Variants in XDH observed in about 807,000 individuals in gnomAD.
XDH encodes the protein xanthine dehydrogenase/oxidase.
XDH carries 138 observed loss-of-function variants against 156.1 expected under a neutral mutation model. The observed-to-expected ratio is 0.88, with a 90% CI of 0.77 to 1.02. The LOEUF (loss-of-function observed/expected upper bound fraction) is 1.02, where lower values mean the gene tolerates loss of function less well. XDH is among the 50% of genes least tolerant of loss of function. XDH has a pLI of 0.00. For missense variants in XDH, 1,849 were observed against 1,684.9 expected (o/e 1.10, Z -1.71); for synonymous variants, 669 against 625.7 (o/e 1.07, Z -1.03).
chr2:31,375,283 G>A lies in XDH; in HGVS notation c.1602+97C>T, dbSNP rs192835939. The A allele has an allele frequency of 1.7e-5, 26 of 1,488,270 alleles. 1 individual carries two copies. The South Asian group carries it at 2.3e-4, about 13-fold the overall frequency. 92.2% of individuals were successfully genotyped at this position (1,488,270 alleles called of 1,614,324 possible). A position where few individuals can be genotyped will look rare whatever the true frequency, so the allele number is the denominator to read the frequency against. ...CCTGGTCCCTGCTATTCTGCCCTCA[G>A]ATGTCCAGAGGAGAGGAGCAAATTT... is the stretch of plus-strand genomic sequence containing the variant. On this transcript the variant is annotated intron_variant, in intron 15 of 35. Coordinates refer to ENST00000379416, the MANE Select transcript of XDH (RefSeq NM_000379.4).
chr2:31,344,172 A>G (rs532045408), intron 31 of XDH, among the ~76,000 whole-genome samples: 21 of 152,290 alleles, frequency 1.4e-4, no homozygotes, highest in African/African-American at 5.1e-4. Context: ...ATCTCCCTGT[A>G]TTAATAAGTT....
At chr2:31,341,771 TG>T (rs1275685409) in intron 32 of XDH, among the ~76,000 whole-genome samples, 1 of 152,222 alleles carries the variant, frequency 6.6e-6, no homozygotes, top group African/African-American at 2.4e-5. Context: ...AAATCCAACT[TG>T]CCCCTGTTTT....
intron 4 of XDH, 93 bp downstream of exon 4, chr2:31,401,127 A>G: frequency 7.0e-7 from 1 of 1,434,134 alleles, no homozygotes; most frequent in Non-Finnish European, 9.7e-7. Flanking sequence ...AACTCTTCCC[A>G]ACAACCCAAA....
chr2:31,400,140 G>A (rs554527702), intron 4 of XDH, among the ~76,000 whole-genome samples: 6 of 151,954 alleles, frequency 3.9e-5, no homozygotes, highest in South Asian at 4.2e-4. Flanking sequence ...AATAGTACCA[G>A]CCTCTCCGCA....
chr2:31,379,725 G>T, intron 13 of XDH, 142 bp downstream of exon 13: 1 of 867,402 alleles, frequency 1.2e-6, no homozygotes, highest in Non-Finnish European at 1.9e-6. Flanking sequence ...TTCAACAGAG[G>T]CAAAGTTCAG....
At chr2:31,357,592 T>C (rs1207242011) in intron 24 of XDH, among the ~76,000 whole-genome samples, 1 of 151,988 alleles carries the variant, frequency 6.6e-6, no homozygotes, top group Admixed American at 6.6e-5. Flanking sequence ...GGTTAATACA[T>C]ATAAAAATAT....
In XDH at chr2:31,365,869, A is replaced by C. The variant is rs921967981; in HGVS notation, c.2456+107T>G. The C allele has an allele frequency of 2.6e-5, 40 of 1,558,904 alleles. No individual in the cohort carries two copies. The South Asian group carries it at 4.6e-4, about 18-fold the overall frequency. On this transcript the variant is annotated intron_variant, in intron 22 of 35. Coordinates refer to ENST00000379416, the MANE Select transcript of XDH (RefSeq NM_000379.4). ...ACAGAGGGCTGTGAGAATTCAAAGC[A>C]GGGGGAAACTAATTCTAACAGGGGG...
chr2:31,340,315 CAATGAATT>C (rs373621142), intron 33 of XDH, among the ~76,000 whole-genome samples: 28 of 152,242 alleles, frequency 1.8e-4, no homozygotes, highest in African/African-American at 6.0e-4. Flanking sequence ...AATGGTTGTT[CAATGAATT>C]AATGAACAGA....
intron 19 of XDH, among the ~76,000 whole-genome samples, 162 bp downstream of exon 19, chr2:31,368,379 G>A (rs1685978503): frequency 6.6e-6 from 1 of 152,186 alleles, no homozygotes; most frequent in African/African-American, 2.4e-5. Flanking sequence ...TCATAAAGGG[G>A]AAGGTTTCAT....
At chr2:31,400,652 G>A (rs1474358130) in intron 4 of XDH, among the ~76,000 whole-genome samples, 4 of 152,198 alleles carry the variant, frequency 2.6e-5, no homozygotes, top group Non-Finnish European at 5.9e-5. Flanking sequence ...TTTTCAGGTG[G>A]TCTGATACCA....
rs547784089 is a variant in XDH, at chr2:31,342,306, G to A, written c.3405-9C>T. The A allele has an allele frequency of 3.7e-6, 6 of 1,609,026 alleles. No homozygotes were observed. The highest frequency in any genetic ancestry group is 1.7e-4 in the Middle Eastern group (1 of 6,052). On this transcript the variant is annotated splice_polypyrimidine_tract_variant and intron_variant, in intron 31 of 35. Coordinates refer to ENST00000379416, the MANE Select transcript of XDH (RefSeq NM_000379.4). ...AGCCCAGATTGGGTGTTCTGGGAGA[G>A]GAAAGAGAAGGTACTGCACATGTAT...
At chr2:31,381,503 C>T (rs1042097951) in intron 12 of XDH, 130 bp downstream of exon 12, 2 of 916,130 alleles carry the variant, frequency 2.2e-6, no homozygotes, top group Non-Finnish European at 3.5e-6. Flanking sequence ...CTCCATGCTT[C>T]CCTGGATCCA....
intron 24 of XDH, among the ~76,000 whole-genome samples, chr2:31,362,533 A>G (rs1340508098): frequency 6.6e-6 from 1 of 152,244 alleles, no homozygotes; most frequent in East Asian, 1.9e-4. Flanking sequence ...CATTTTTAAT[A>G]TGAGTTTTAC....
rs116290580 is a variant in XDH at position 31,339,596 on chromosome 2, G to A, written c.3667C>T (p.Arg1223Cys). The A allele has an allele frequency of 3.0e-5, 48 of 1,614,198 alleles. No individual in the cohort carries two copies. The highest frequency in any genetic ancestry group is 2.8e-4 in the African/African-American group (21 of 75,070). The stretch of plus-strand genomic sequence containing the variant: ...GGGATCTTGTAGGTGCTAGGGCCAC[G>A]GGTGTGCAGGCTCCCCTCGGGGGAA... ...HYSPEGSLHTRGPSTYKIPAF... is the reference protein window; with the variant it reads ...HYSPEGSLHTCGPSTYKIPAF... Residue 1223 changes from arginine (R) to cysteine (C), a missense_variant, in exon 34 of 36, where the codon CGT becomes TGT. Transcript: ENST00000379416.
At chr2:31,342,351 T>G in intron 31 of XDH, 54 bp from the exon 32 acceptor site, 1 of 1,460,140 alleles carries the variant, frequency 6.8e-7, no homozygotes, top group Non-Finnish European at 9.6e-7. Flanking sequence ...CACACCCCCT[T>G]CCCTATGCAC....
At chr2:31,340,660 G>A (rs1685101989) in intron 33 of XDH, among the ~76,000 whole-genome samples, 1 of 152,002 alleles carries the variant, frequency 6.6e-6, no homozygotes, top group South Asian at 2.1e-4. Flanking sequence ...AATAGAGACG[G>A]AGTTTCGCCA....
intron 28 of XDH, 125 bp downstream of exon 28, chr2:31,348,143 G>A (rs960971098): frequency 1.3e-5 from 12 of 949,444 alleles, no homozygotes; most frequent in Middle Eastern, 2.1e-4. Flanking sequence ...GAGGCTACAC[G>A]GACATAAGCA....
chr2:31,378,074 GAAAGAAAGAAAGAAAGA>G, intron 13 of XDH, among the ~76,000 whole-genome samples: 1 of 25,900 alleles, frequency 3.9e-5, no homozygotes, highest in African/African-American at 2.2e-4. Flanking sequence ...AAGAAAGAAA[GAAAGAAAGAAAGAAAGA>G]AAGAAAGAAA....
At chr2:31,361,973 G>T (rs6543628) in intron 24 of XDH, among the ~76,000 whole-genome samples, 1 of 151,926 alleles carries the variant, frequency 6.6e-6, no homozygotes, top group Non-Finnish European at 1.5e-5. Flanking sequence ...GAAACAAAAG[G>T]CTAGATATAG....
Sources: allele counts gnomAD v4.1 joint callset (sites outside exome capture counted in the v4.1 genomes callset), GRCh38; gene constraint gnomAD v4.1.1; transcripts MANE v1.5; gene names NCBI Gene and HGNC (gene_info 2026-07-23, HGNC 2026-07-21).